The following SMYD3 variants were observed in gnomAD, a reference collection of about 807,000 sequenced individuals.
SMYD3 encodes the protein SET and MYND domain containing 3, also known as histone-lysine N-methyltransferase SMYD3.
SMYD3 carries 36 observed loss-of-function variants against 57.7 expected under a neutral mutation model. The observed-to-expected ratio is 0.62, with a 90% confidence interval of 0.48 to 0.82. SMYD3 has a LOEUF of 0.82. Among genes scored for constraint, SMYD3 ranks in the 40% least tolerant of loss-of-function variants. The probability of loss-of-function intolerance (pLI) is 0.00; values close to 1 mark genes in which losing one functional copy is unlikely to be tolerated. For synonymous variants in SMYD3, 211 were observed against 195.0 expected (o/e 1.08, Z -0.68); for missense variants, 515 against 538.8 (o/e 0.96, Z 0.44).
At chr1:245,824,394 A>T (rs978896006) in intron 10 of SMYD3, among the ~76,000 whole-genome samples, 11 of 152,230 alleles carry the variant, frequency 7.2e-5, no homozygotes, top group African/African-American at 2.7e-4. Flanking sequence ...TGTTTTCTCA[A>T]CCAAGCCAAG....
At chr1:245,936,212 G>A (rs2056971517) in intron 5 of SMYD3, among the ~76,000 whole-genome samples, 1 of 152,072 alleles carries the variant, frequency 6.6e-6, no homozygotes, top group Non-Finnish European at 1.5e-5. Flanking sequence ...TGAAAAACAA[G>A]GGAAAATACA....
chr1:246,270,905 C>T (rs1397254118), intron 5 of SMYD3, among the ~76,000 whole-genome samples: 2 of 152,300 alleles, frequency 1.3e-5, no homozygotes, highest in East Asian at 3.9e-4. Context: ...CTGTTTGCCA[C>T]AGTGGCTATA....
At chr1:246,007,032 C>T (rs921454963) in intron 5 of SMYD3, among the ~76,000 whole-genome samples, 6 of 152,280 alleles carry the variant, frequency 3.9e-5, no homozygotes, top group African/African-American at 1.4e-4. Context: ...AGAGGGGCTT[C>T]CTCTCCTGGG....
At chr1:246,481,664 TTATA>T (rs1171627823) in intron 1 of SMYD3, among the ~76,000 whole-genome samples, 1 of 112,818 alleles carries the variant, frequency 8.9e-6, no homozygotes, top group South Asian at 2.8e-4. Context: ...ATATATATAA[TTATA>T]TATATAAACT....
intron 10 of SMYD3, among the ~76,000 whole-genome samples, chr1:245,852,037 T>C (rs1454913275): frequency 6.6e-6 from 1 of 152,112 alleles, no homozygotes; most frequent in Non-Finnish European, 1.5e-5. Context: ...AGATGGGAAA[T>C]AGGCAAGCTG....
chr1:246,147,874 T>TCTGCAGC (rs1274665563), intron 5 of SMYD3, among the ~76,000 whole-genome samples: 1 of 152,050 alleles, frequency 6.6e-6, no homozygotes, highest in Non-Finnish European at 1.5e-5. Context: ...ACCTGGCATC[T>TCTGCAGC]CTGCAGCCTG....
chr1:246,256,017 C>T (rs1256596963), intron 5 of SMYD3, among the ~76,000 whole-genome samples: 1 of 151,408 alleles, frequency 6.6e-6, no homozygotes, highest in East Asian at 1.9e-4. Context: ...TACATAGATA[C>T]ATAGATAGAT....
chr1:246,083,515 G>GTATGCTGAGCGCC (rs1553283956), intron 5 of SMYD3, among the ~76,000 whole-genome samples: 1 of 151,358 alleles, frequency 6.6e-6, no homozygotes, highest in African/African-American at 2.4e-5. Context: ...GTGCCGGCGC[G>GTATGCTGAGCGCC]GGTCCCCTGC....
chr1:245,938,960 A>G (rs2057100922), intron 5 of SMYD3, among the ~76,000 whole-genome samples: 1 of 152,084 alleles, frequency 6.6e-6, no homozygotes, highest in African/African-American at 2.4e-5. Context: ...ACCCTGGCCA[A>G]CATGGTGAAA....
intron 8 of SMYD3, among the ~76,000 whole-genome samples, chr1:245,896,559 A>T (rs2053816859): frequency 1.3e-5 from 2 of 152,302 alleles, no homozygotes; most frequent in East Asian, 3.9e-4. Context: ...TCACATAAAA[A>T]TGGTGAGTAC....
chr1:246,202,585 G>T lies in SMYD3; in HGVS notation c.531+124616C>A, dbSNP rs767870947. Among the ~76,000 whole-genome samples, 1 of 152,100 alleles carries T rather than the reference G, an allele frequency of 6.6e-6. No homozygotes were observed. Among genetic ancestry groups the T allele is most frequent in the Non-Finnish European group, 1.5e-5 (1 of 68,028 alleles). ...CCATCACCATCTCCCTCAAATCATCGAAATGTGACGTATTAAATCCACGCA... is the reference window on the plus strand; with the variant it reads ...CCATCACCATCTCCCTCAAATCATCTAAATGTGACGTATTAAATCCACGCA... On this transcript the variant is annotated intron_variant, in intron 5 of 11. Coordinates refer to ENST00000490107, the MANE Select transcript of SMYD3 (RefSeq NM_001167740.2). This position sits in a 1 kb window ranked among gnomAD's most constrained non-coding sequence, Gnocchi z 4.1.
chr1:246,480,499 T>G (rs2068086029), intron 1 of SMYD3, among the ~76,000 whole-genome samples: 1 of 152,228 alleles, frequency 6.6e-6, no homozygotes, highest in Non-Finnish European at 1.5e-5. Flanking sequence ...TTAAAATGTT[T>G]CAAATACCTT....
intron 5 of SMYD3, among the ~76,000 whole-genome samples, chr1:246,224,279 G>C (rs1007479487): frequency 6.6e-6 from 1 of 152,028 alleles, no homozygotes; most frequent in South Asian, 2.1e-4. Flanking sequence ...ACCTTTCTGG[G>C]GTGGGGTGTG....
intron 5 of SMYD3, among the ~76,000 whole-genome samples, chr1:246,091,037 G>A (rs1163467021): frequency 6.6e-6 from 1 of 152,104 alleles, no homozygotes; most frequent in African/African-American, 2.4e-5. Flanking sequence ...CAAGGCTCTC[G>A]GCCTAAATGT....
intron 10 of SMYD3, among the ~76,000 whole-genome samples, chr1:245,764,611 C>T (rs990407701): frequency 1.3e-5 from 2 of 151,968 alleles, no homozygotes; most frequent in East Asian, 3.9e-4. Context: ...TACCACACCC[C>T]CCTTTTAACC....
chr1:245,912,316 G>T (rs909551827), intron 8 of SMYD3, among the ~76,000 whole-genome samples: 1 of 151,944 alleles, frequency 6.6e-6, no homozygotes, highest in East Asian at 1.9e-4. Flanking sequence ...GAGGTGAAAG[G>T]CCTCTGCAAT....
intron 10 of SMYD3, among the ~76,000 whole-genome samples, chr1:245,832,477 T>C (rs2049890940): frequency 6.9e-5 from 1 of 14,486 alleles, no homozygotes; most frequent in Non-Finnish European, 4.4e-4. Context: ...CGATTTAATG[T>C]TTTTTTTGTT....
At chr1:246,265,211 C>G (rs2064082104) in intron 5 of SMYD3, among the ~76,000 whole-genome samples, 1 of 152,178 alleles carries the variant, frequency 6.6e-6, no homozygotes, top group Non-Finnish European at 1.5e-5. Flanking sequence ...GCATAGCTCA[C>G]TGTAACCTCA....
intron 1 of SMYD3, among the ~76,000 whole-genome samples, chr1:246,442,601 A>AAGC (rs1553349003): frequency 3.3e-5 from 5 of 151,710 alleles, no homozygotes; most frequent in Non-Finnish European, 7.4e-5. Context: ...AACAAAGTAA[A>AAGC]AGTAGTTACA....
Sources: allele counts gnomAD v4.1 joint callset (sites outside exome capture counted in the v4.1 genomes callset), GRCh38; gene constraint gnomAD v4.1.1; non-coding constraint Gnocchi (gnomAD v3.1); transcripts MANE v1.5; gene names NCBI Gene and HGNC (gene_info 2026-07-23, HGNC 2026-07-21).